Variants in BRCA1 observed in about 807,000 individuals in gnomAD.
BRCA1 encodes the protein breast cancer type 1 susceptibility protein.
Under a neutral mutation model 173.7 loss-of-function variants are expected in BRCA1, and 140 were observed. The observed-to-expected ratio is 0.81, with a 90% CI of 0.70 to 0.93. BRCA1 has a LOEUF of 0.93. BRCA1 is among the 40% of genes least tolerant of loss of function. The pLI is 0.00. For missense variants in BRCA1, 1,983 were observed against 2,172.5 expected, an observed-to-expected ratio of 0.91 and a Z score of 1.73; for synonymous variants, 662 against 756.0, an observed-to-expected ratio of 0.88 and a Z score of 2.04.
At chr17:43,052,785 A>G (rs2051299606) in intron 19 of BRCA1, among the ~76,000 whole-genome samples, 1 of 92,524 alleles carries the variant, frequency 1.1e-5, no homozygotes, top group African/African-American at 3.7e-5. Context: ...ACAGAAACAC[A>G]CACACACACA....
At chr17:43,080,207 C>G (rs1178789178) in intron 12 of BRCA1, among the ~76,000 whole-genome samples, 1 of 152,200 alleles carries the variant, frequency 6.6e-6, no homozygotes, top group Non-Finnish European at 1.5e-5. Flanking sequence ...AATAAACTTA[C>G]AGACTGCCCA....
In BRCA1 at chr17:43,063,960, T is replaced by C. The variant is rs80358059; in HGVS notation, c.5075-9A>G. ...ACACACAAACTCAGCATCTGCAGAA[T>C]GAAAAACACTCAAAGGATTAGAAGT... On this transcript the variant is annotated splice_polypyrimidine_tract_variant and intron_variant, in intron 16 of 22. Coordinates refer to ENST00000357654, the MANE Select transcript of BRCA1 (RefSeq NM_007294.4). 2 of 1,613,304 alleles carry C rather than the reference T, an allele frequency of 1.2e-6. No homozygotes were observed. Among genetic ancestry groups the C allele is most frequent in the East Asian group, 4.5e-5 (2 of 44,854 alleles).
intron 16 of BRCA1, chr17:43,067,275 AG>A: frequency 9.8e-6 from 1 of 102,060 alleles, no homozygotes; most frequent in Non-Finnish European, 1.9e-5. Flanking sequence ...TTTTTTTTTG[AG>A]ACGGAGCCTT....
chr17:43,052,112 GCA>G (rs796260811), intron 19 of BRCA1, among the ~76,000 whole-genome samples: 18 of 152,234 alleles, frequency 1.2e-4, no homozygotes, highest in African/African-American at 4.3e-4. Context: ...AGATCACACT[GCA>G]CTGCCTCTTC....
chr17:43,069,942 C>A (rs999494776), intron 15 of BRCA1, among the ~76,000 whole-genome samples: 4 of 152,070 alleles, frequency 2.6e-5, no homozygotes, highest in African/African-American at 2.4e-5. Context: ...AATTCTTCTT[C>A]TTATTATTGA....
intron 18 of BRCA1, 114 bp downstream of exon 18, chr17:43,063,219 G>A (rs1171216303): frequency 1.1e-6 from 1 of 870,078 alleles, no homozygotes; most frequent in East Asian, 2.6e-5. Flanking sequence ...TCATTATCAT[G>A]GAAAATTTGT....
chr17:43,102,570 T>A (rs953359907), intron 6 of BRCA1, among the ~76,000 whole-genome samples: 3 of 151,422 alleles, frequency 2.0e-5, no homozygotes, highest in African/African-American at 7.3e-5. Context: ...TTGGCCAGGG[T>A]GGTCTCAATC....
At chr17:43,054,448 GTT>G (rs936714155) in intron 19 of BRCA1, among the ~76,000 whole-genome samples, 5 of 152,148 alleles carry the variant, frequency 3.3e-5, no homozygotes, top group African/African-American at 1.2e-4. Context: ...AGGATGTTTT[GTT>G]TTGTTTTGAG....
intron 1 of BRCA1, chr17:43,165,914 C>CT (rs1448312902): frequency 1.3e-5 from 2 of 151,784 alleles, no homozygotes; most frequent in Non-Finnish European, 2.9e-5. Context: ...TACCCTAAAA[C>CT]TTAAAGTATA....
At chr17:43,051,703 C>G (rs2153114628) in intron 19 of BRCA1, among the ~76,000 whole-genome samples, 1 of 150,778 alleles carries the variant, frequency 6.6e-6, no homozygotes, top group South Asian at 2.1e-4. Context: ...GTGGTGCGAT[C>G]TGGGCTCACT....
chr17:43,109,294 G>A (rs190731172), intron 3 of BRCA1, among the ~76,000 whole-genome samples: 29 of 152,266 alleles, frequency 1.9e-4, no homozygotes, highest in Non-Finnish European at 3.4e-4. Context: ...ATCAAGCCTG[G>A]CCTTATCTTC....
chr17:43,083,461 C>T (rs2053108334), intron 11 of BRCA1, among the ~76,000 whole-genome samples: 1 of 152,110 alleles, frequency 6.6e-6, no homozygotes, highest in African/African-American at 2.4e-5. Context: ...TGACCTGAAC[C>T]TTTAGTTTCT....
chr17:43,100,676 A>ATGT (rs1567807701), intron 6 of BRCA1, among the ~76,000 whole-genome samples: 1 of 27,924 alleles, frequency 3.6e-5, no homozygotes, highest in Non-Finnish European at 5.4e-5. Context: ...ATATATATAT[A>ATGT]TAATATATAT....
In BRCA1 at chr17:43,095,881, G is replaced by A. The variant is rs2054112546; in HGVS notation, c.635C>T (p.Thr212Ile). 4 of 1,613,858 alleles carry A rather than the reference G, an allele frequency of 2.5e-6. No homozygotes were observed. The highest frequency in any genetic ancestry group is 3.4e-6 in the Non-Finnish European group (4 of 1,179,870). The change falls in exon 9 of 23, where the codon ACC (threonine) becomes ATC (isoleucine). Residue 212 changes from threonine (T) to isoleucine (I), a missense_variant. Transcript: ENST00000357654. ...AGAATCCAAACTGATTTCATCCCTGGTTCCTTGAGGGGTGATTTGTAACAA... is the reference window on the plus strand; with the variant it reads ...AGAATCCAAACTGATTTCATCCCTGATTCCTTGAGGGGTGATTTGTAACAA... ...QELLQITPQG[T>I]RDEISLDSAK...
chr17:43,169,642 C>T (rs1320275801), intron 1 of BRCA1, among the ~76,000 whole-genome samples: 1 of 151,950 alleles, frequency 6.6e-6, no homozygotes, highest in Non-Finnish European at 1.5e-5. Flanking sequence ...TCTCAGGTTC[C>T]GCCCCCGCCC....
At chr17:43,168,612 C>T (rs552881955) in intron 1 of BRCA1, among the ~76,000 whole-genome samples, 2 of 152,308 alleles carry the variant, frequency 1.3e-5, no homozygotes, top group East Asian at 3.9e-4. Flanking sequence ...ACACTCCAGC[C>T]TGGGCAACAA....
rs730881495 is a variant in BRCA1, at chr17:43,067,696, C to A, written c.4987-1G>T. On this transcript the variant is annotated splice_acceptor_variant, in intron 15 of 22. Coordinates refer to ENST00000357654, the MANE Select transcript of BRCA1 (RefSeq NM_007294.4). LOFTEE classifies it high-confidence loss of function. Reference sequence around the variant, plus strand: ...TTCTGGCAAACTTGTACACGAGCATCTGAAATTAAATCAAATATTCCATTA... The same window carrying A: ...TTCTGGCAAACTTGTACACGAGCATATGAAATTAAATCAAATATTCCATTA... The A allele has an allele frequency of 6.2e-7, 1 of 1,609,052 alleles. No individual in the cohort carries two copies. Among genetic ancestry groups the A allele is most frequent in the Non-Finnish European group, 8.5e-7 (1 of 1,175,462 alleles).
At chr17:43,145,441 C>T (rs2056114692) in intron 1 of BRCA1, among the ~76,000 whole-genome samples, 1 of 151,626 alleles carries the variant, frequency 6.6e-6, no homozygotes, top group African/African-American at 2.4e-5. Context: ...ATTCTCCTGT[C>T]TCAGCCTCCC....
Position 43,047,637 on chromosome 17 carries a change from C to G in BRCA1, c.5467+6G>C, listed in dbSNP as rs2050974173. The G allele has an allele frequency of 6.2e-7, 1 of 1,614,160 alleles. No homozygotes were observed. Among genetic ancestry groups the G allele is most frequent in the Non-Finnish European group, 8.5e-7 (1 of 1,180,022 alleles). On this transcript the variant is annotated splice_donor_region_variant and intron_variant, in intron 22 of 22. Coordinates refer to ENST00000357654, the MANE Select transcript of BRCA1 (RefSeq NM_007294.4). ...CATATAGCACAGGTACATGCAGGCA[C>G]CTTACCATGGAAGCCATTGTCCTCT...
Sources: gnomAD v4.1 joint callset for allele counts (sites outside exome capture counted in the v4.1 genomes callset) on GRCh38, gnomAD v4.1.1 for gene constraint, MANE v1.5 for transcripts, NCBI Gene and HGNC (gene_info 2026-07-23, HGNC 2026-07-21) for gene names.